Variants in BLM observed in about 807,000 individuals in gnomAD.
BLM encodes recQ-like DNA helicase BLM.
In BLM, 95 loss-of-function variants were observed where a neutral mutation model predicts 135.3. The observed-to-expected ratio is 0.70, with a 90% CI of 0.59 to 0.83. BLM has a LOEUF of 0.83. BLM is among the 40% of genes least tolerant of loss of function. The probability of loss-of-function intolerance (pLI) is 0.00; values close to 1 mark genes in which losing one functional copy is unlikely to be tolerated. For synonymous variants in BLM, 520 were observed against 589.2 expected (o/e 0.88, Z 1.70); for missense variants, 1,518 against 1,663.9 (o/e 0.91, Z 1.53).
intron 21 of BLM, among the ~76,000 whole-genome samples, chr15:90,811,639 T>C (rs1477845516): frequency 6.6e-6 from 1 of 152,192 alleles, no homozygotes; most frequent in Non-Finnish European, 1.5e-5. Flanking sequence ...TACTGACTAA[T>C]AGTTATGACT....
At chr15:90,784,048 C>T (rs1271633206) in intron 13 of BLM, among the ~76,000 whole-genome samples, 2 of 152,168 alleles carry the variant, frequency 1.3e-5, no homozygotes, top group African/African-American at 4.8e-5. Flanking sequence ...CGTTAATCTA[C>T]TTTATATATC....
chr15:90,760,353 A>G, intron 6 of BLM, 74 bp downstream of exon 6: 1 of 1,588,288 alleles, frequency 6.3e-7, no homozygotes, highest in Non-Finnish European at 8.6e-7. Flanking sequence ...TGGACAGGGC[A>G]AAATGTTCAG....
intron 13 of BLM, among the ~76,000 whole-genome samples, chr15:90,783,172 C>T (rs1896661146): frequency 6.6e-6 from 1 of 152,112 alleles, no homozygotes; most frequent in South Asian, 2.1e-4. Flanking sequence ...TATATTATAA[C>T]TTTTGGTTTC....
At chr15:90,734,859 C>T (rs1895169386) in intron 1 of BLM, among the ~76,000 whole-genome samples, 1 of 151,916 alleles carries the variant, frequency 6.6e-6, no homozygotes, top group East Asian at 1.9e-4. Flanking sequence ...GGGGCTTAGC[C>T]AATGCAGTTA....
At chr15:90,764,919 AT>A (rs1193067505) in intron 8 of BLM, among the ~76,000 whole-genome samples, 1 of 152,094 alleles carries the variant, frequency 6.6e-6, no homozygotes, top group African/African-American at 2.4e-5. Flanking sequence ...AAATACAAAA[AT>A]TAGCAGGATG....
chr15:90,769,108 C>T (rs1896220675), intron 10 of BLM, 25 bp from the exon 11 acceptor site: 1 of 1,514,652 alleles, frequency 6.6e-7, no homozygotes, highest in Non-Finnish European at 9.2e-7. Flanking sequence ...AGTGTTTTTA[C>T]ATGTCTAATG....
intron 19 of BLM, among the ~76,000 whole-genome samples, chr15:90,807,189 T>C (rs1897304306): frequency 6.6e-6 from 1 of 152,192 alleles, no homozygotes; most frequent in Non-Finnish European, 1.5e-5. Context: ...CTGTTATCAG[T>C]TCTGTTTTGA....
intron 1 of BLM, among the ~76,000 whole-genome samples, chr15:90,732,267 T>C (rs1305815995): frequency 1.3e-5 from 2 of 152,136 alleles, no homozygotes; most frequent in African/African-American, 4.8e-5. Context: ...ATTTTGAAAT[T>C]TTAAAAATCT....
chr15:90,776,496 G>A (rs1010940241), intron 12 of BLM, among the ~76,000 whole-genome samples: 3 of 152,080 alleles, frequency 2.0e-5, no homozygotes, highest in African/African-American at 7.2e-5. Flanking sequence ...CTTTTATTGT[G>A]TGATACGCTT....
chr15:90,786,755 T>C (rs987497800), intron 14 of BLM, among the ~76,000 whole-genome samples: 5 of 151,978 alleles, frequency 3.3e-5, no homozygotes, highest in Admixed American at 6.6e-5. Flanking sequence ...GCCGGGACTA[T>C]AGGCACATGC....
At chr15:90,730,300 C>T (rs1895032579) in intron 1 of BLM, among the ~76,000 whole-genome samples, 1 of 152,132 alleles carries the variant, frequency 6.6e-6, no homozygotes, top group Non-Finnish European at 1.5e-5. Flanking sequence ...CTTGGACTTC[C>T]AGTATATATC....
chr15:90,812,997 C>G (rs1048977635), intron 21 of BLM, among the ~76,000 whole-genome samples: 1 of 152,150 alleles, frequency 6.6e-6, no homozygotes, highest in Non-Finnish European at 1.5e-5. Flanking sequence ...AGCCGGAGAC[C>G]TTAAAAGGCA....
chr15:90,774,283 G>A (rs1295037527), intron 12 of BLM, among the ~76,000 whole-genome samples: 1 of 150,818 alleles, frequency 6.6e-6, no homozygotes, highest in East Asian at 2.0e-4. Context: ...TGTTGGCCAG[G>A]CTGTTCTCAA....
intron 1 of BLM, among the ~76,000 whole-genome samples, chr15:90,729,425 G>C (rs951804381): frequency 1.3e-5 from 2 of 152,188 alleles, no homozygotes; most frequent in African/African-American, 4.8e-5. Context: ...GTGTTGGCAG[G>C]CTGAGTTCCC....
chr15:90,801,199 A>T (rs1477659113), intron 17 of BLM, among the ~76,000 whole-genome samples: 1 of 152,108 alleles, frequency 6.6e-6, no homozygotes, highest in Non-Finnish European at 1.5e-5. Flanking sequence ...TGTACAAAAA[A>T]GTCATCCATT....
rs869185558 is a variant in BLM, at chr15:90,785,998, CTTTTTTT to C, written c.2823+934_2823+940del. The stretch of plus-strand genomic sequence containing the variant: ...GACATTTGGCTTGTTTCGTTTCTTT[CTTTTTTT>C]TTTTTTTTTTTTTTTTGAGACAGGG... On this transcript the variant is annotated intron_variant, in intron 14 of 21. Coordinates refer to ENST00000355112, the MANE Select transcript of BLM (RefSeq NM_000057.4). Among the ~76,000 whole-genome samples, 1,022 of 110,732 alleles carry C rather than the reference CTTTTTTT, an allele frequency of 9.2e-3. 15 individuals are homozygous for C. Among genetic ancestry groups the C allele is most frequent in the African/African-American group, 0.028 (907 of 32,654 alleles). 72.6% of individuals were successfully genotyped at this position (110,732 alleles called of 152,430 possible).
intron 14 of BLM, among the ~76,000 whole-genome samples, chr15:90,785,901 C>G (rs1242090517): frequency 6.6e-6 from 1 of 151,670 alleles, no homozygotes; most frequent in Non-Finnish European, 1.5e-5. Flanking sequence ...GTACTTCATA[C>G]CTTTTTATGG....
At chr15:90,768,887 CG>C (rs1567044922) in intron 10 of BLM, among the ~76,000 whole-genome samples, 2 of 152,070 alleles carry the variant, frequency 1.3e-5, no homozygotes, top group Non-Finnish European at 2.9e-5. Context: ...CCACCACGCC[CG>C]GCTAATTTTG....
rs1378138456 is a variant in BLM, at chr15:90,803,611, T to C, written c.3449T>C (p.Ile1150Thr). 14 of 1,614,016 alleles carry C rather than the reference T, an allele frequency of 8.7e-6. No individual in the cohort carries two copies. Among genetic ancestry groups the C allele is most frequent in the Admixed American group, 3.3e-5 (2 of 60,002 alleles). Reference protein sequence around the residue: ...HNAERLFKKLILDKILDEDLY... With the variant: ...HNAERLFKKLTLDKILDEDLY... ...GCCGAAAGACTTTTTAAAAAGCTGA[T>C]ACTTGACAAGATTTTGGATGAAGAC... is the stretch of plus-strand genomic sequence containing the variant. The change falls in exon 18 of 22, where the codon ATA becomes ACA. Residue 1150 changes from isoleucine (I) to threonine (T), a missense_variant. Ile to Thr is a moderately conservative substitution (Grantham distance 89). This residue lies in a region of BLM where 626 missense variants were observed against 681.1 expected (regional missense o/e 0.92). Coordinates refer to ENST00000355112, the MANE Select transcript of BLM (RefSeq NM_000057.4).
Sources: allele counts gnomAD v4.1 joint callset (sites outside exome capture counted in the v4.1 genomes callset), GRCh38; gene constraint gnomAD v4.1.1; regional missense constraint gnomAD v4.1.1; transcripts MANE v1.5; gene names NCBI Gene and HGNC (gene_info 2026-07-23, HGNC 2026-07-21).